Variants in NTM observed in about 807,000 individuals in gnomAD.
NTM encodes IgLON family member 2.
In NTM, 13 loss-of-function variants were observed where a neutral mutation model predicts 42.1. The observed-to-expected ratio is 0.31, with a 90% CI of 0.20 to 0.49. The LOEUF is 0.49. NTM is among the 20% of genes least tolerant of loss of function. The pLI is 0.99. For synonymous variants in NTM, 187 were observed against 179.2 expected (o/e 1.04, Z -0.35); for missense variants, 373 against 452.8 (o/e 0.82, Z 1.60).
At chr11:132,215,991 G>T (rs1361973322) in intron 4 of NTM, among the ~76,000 whole-genome samples, 1 of 152,214 alleles carries the variant, frequency 6.6e-6, no homozygotes, top group Non-Finnish European at 1.5e-5. Flanking sequence ...CTAACCTTCT[G>T]TAGGTAGAAA....
intron 1 of NTM, among the ~76,000 whole-genome samples, chr11:131,764,487 G>A (rs997496467): frequency 7.2e-5 from 11 of 152,158 alleles, no homozygotes; most frequent in African/African-American, 1.9e-4. Context: ...TGGATGAGCC[G>A]TTATGGTGGA....
At chr11:131,407,562 G>T (rs1448284793) in intron 1 of NTM, among the ~76,000 whole-genome samples, 1 of 152,196 alleles carries the variant, frequency 6.6e-6, no homozygotes, top group Non-Finnish European at 1.5e-5. Flanking sequence ...CTGAAGAAAG[G>T]GAAGAGCCAC....
intron 1 of NTM, among the ~76,000 whole-genome samples, chr11:131,816,623 C>T (rs2092962588): frequency 6.6e-6 from 1 of 152,006 alleles, no homozygotes; most frequent in South Asian, 2.1e-4. Context: ...TCTTGGAGAC[C>T]TGTCCCCAAA....
intron 1 of NTM, among the ~76,000 whole-genome samples, chr11:131,744,321 TATA>T (rs1428783086): frequency 5.3e-5 from 8 of 152,250 alleles, no homozygotes; most frequent in African/African-American, 1.9e-4. Flanking sequence ...ACTATATTCT[TATA>T]ATATTTTAGC....
Position 131,999,577 on chromosome 11 carries a change from T to C in NTM, c.167+87929T>C, listed in dbSNP as rs556863053. Among the ~76,000 whole-genome samples the C allele has an allele frequency of 7.9e-5, 12 of 152,350 alleles. No individual in the cohort carries two copies. The East Asian group carries it at 2.3e-3, about 29-fold the overall frequency. On this transcript the variant is annotated intron_variant, in intron 2 of 8. Transcript: ENST00000683400. Reference sequence around the variant, plus strand: ...TCATGGCTGGTAGATGCTCCCTTCCTTCCAGAGCAGGGAGGAAAAGGGACG... The same window carrying C: ...TCATGGCTGGTAGATGCTCCCTTCCCTCCAGAGCAGGGAGGAAAAGGGACG...
rs186767820 is a variant in NTM, at chr11:131,839,519, G to A, written c.83-72045G>A. On this transcript the variant is annotated intron_variant, in intron 1 of 8. Coordinates refer to ENST00000683400, the MANE Select transcript of NTM (RefSeq NM_001352005.2). Reference sequence around the variant, plus strand: ...GCTATCCTGCTCAGTGTGCAGCAAGGTCAGCAGTGCGGCTGCAGCTAAGTG... The same window carrying A: ...GCTATCCTGCTCAGTGTGCAGCAAGATCAGCAGTGCGGCTGCAGCTAAGTG... 7.9e-5 allele frequency among the ~76,000 whole-genome samples: 12 copies of A among 152,296 alleles called. No homozygotes were observed. The East Asian group carries it at 2.3e-3, about 29-fold the overall frequency.
intron 1 of NTM, among the ~76,000 whole-genome samples, chr11:131,627,612 G>A (rs563234030): frequency 6.6e-5 from 10 of 152,052 alleles, no homozygotes; most frequent in South Asian, 2.1e-4. Context: ...AAGGTGGATC[G>A]CTTGAGTCCA....
intron 4 of NTM, among the ~76,000 whole-genome samples, chr11:132,258,343 A>T (rs1158682885): frequency 1.3e-5 from 2 of 152,142 alleles, no homozygotes; most frequent in Non-Finnish European, 2.9e-5. Flanking sequence ...GTTCAGAGTG[A>T]ACATGCGTTA....
intron 1 of NTM, among the ~76,000 whole-genome samples, chr11:131,459,990 C>T (rs1050449421): frequency 2.6e-5 from 4 of 151,998 alleles, no homozygotes; most frequent in Non-Finnish European, 4.4e-5. Flanking sequence ...AATAAGGCTC[C>T]GTGGCAGAAC....
At chr11:131,391,085 C>T (rs929951514) in intron 1 of NTM, among the ~76,000 whole-genome samples, 13 of 152,168 alleles carry the variant, frequency 8.5e-5, no homozygotes, top group Admixed American at 6.5e-4. Context: ...TGTGCTACTA[C>T]CATGTGCCAG....
chr11:131,541,389 T>A (rs1312322825), intron 1 of NTM, among the ~76,000 whole-genome samples: 2 of 152,184 alleles, frequency 1.3e-5, no homozygotes, highest in Admixed American at 1.3e-4. Context: ...GGTTGCAAAA[T>A]GAAAATTTCA....
rs547666504 is a variant in NTM at position 131,570,332 on chromosome 11, G to A, written c.82+199444G>A. ...TGTCCTCTAGTAATACTCCTCGGCC[G>A]CGTTCCAGGAACATTCTCCATTCCT... On this transcript the variant is annotated intron_variant, in intron 1 of 8. Transcript: ENST00000683400. Among the ~76,000 whole-genome samples, 60 of 152,284 alleles carry A rather than the reference G, an allele frequency of 3.9e-4. No individual in the cohort carries two copies. The East Asian group carries it at 4.4e-3, about 11-fold the overall frequency.
intron 2 of NTM, among the ~76,000 whole-genome samples, chr11:131,984,891 G>A (rs1266334972): frequency 2.0e-5 from 3 of 152,322 alleles, no homozygotes; most frequent in South Asian, 2.1e-4. Context: ...AAGAAAGGGC[G>A]TGGAAAGGAA....
intron 1 of NTM, among the ~76,000 whole-genome samples, chr11:131,464,339 C>G (rs961531904): frequency 1.5e-4 from 22 of 150,122 alleles, no homozygotes; most frequent in African/African-American, 5.2e-4. Flanking sequence ...TCACTACACC[C>G]GCAGCAACGC....
intron 1 of NTM, among the ~76,000 whole-genome samples, chr11:131,739,027 C>CA (rs1198566309): frequency 6.6e-6 from 1 of 152,128 alleles, no homozygotes; most frequent in Non-Finnish European, 1.5e-5. Context: ...AGTGGCCATT[C>CA]ATCTAATTTT....
chr11:131,799,677 T>C (rs1249637286), intron 1 of NTM, among the ~76,000 whole-genome samples: 1 of 152,134 alleles, frequency 6.6e-6, no homozygotes, highest in African/African-American at 2.4e-5. Flanking sequence ...TGATAGCTGA[T>C]CCAAGCAGTA....
chr11:132,080,845 G>A (rs1169322969), intron 2 of NTM, among the ~76,000 whole-genome samples: 2 of 152,134 alleles, frequency 1.3e-5, no homozygotes, highest in Admixed American at 1.3e-4. Context: ...CTAATAGTTG[G>A]GTAGCTGATG....
chr11:132,271,528 C>T (rs2093476470), intron 4 of NTM, among the ~76,000 whole-genome samples: 1 of 151,646 alleles, frequency 6.6e-6, no homozygotes. Context: ...TATGACTCTT[C>T]CAATATTTCA....
At chr11:131,739,552 C>T (rs935743232) in intron 1 of NTM, among the ~76,000 whole-genome samples, 3 of 152,194 alleles carry the variant, frequency 2.0e-5, no homozygotes, top group Admixed American at 6.5e-5. Flanking sequence ...GTTGGCATAC[C>T]TATGTGCATG....
Sources: allele counts gnomAD v4.1 joint callset (sites outside exome capture counted in the v4.1 genomes callset), GRCh38; gene constraint gnomAD v4.1.1; transcripts MANE v1.5; gene names NCBI Gene and HGNC (gene_info 2026-07-23, HGNC 2026-07-21).